FGF13: variants seen among roughly 807,000 people sequenced by gnomAD.
The protein encoded by FGF13 is fibroblast growth factor homologous factor 2.
A neutral mutation model predicts 19.5 loss-of-function variants in FGF13; 2 were observed. That is an observed-to-expected ratio of 0.10 (90% CI 0.04 to 0.32). The LOEUF is 0.32. Among genes scored for constraint, FGF13 ranks in the 10% least tolerant of loss-of-function variants. FGF13 has a pLI of 1.00. For synonymous variants in FGF13, 72 were observed against 76.9 expected (o/e 0.94, Z 0.33); for missense variants, 113 against 192.7 (o/e 0.59, Z 2.45).
chrX:139,128,290 G>A (rs2083732312), intron 1 of FGF13, among the ~76,000 whole-genome samples: 1 of 111,318 alleles, frequency 9.0e-6, no homozygotes, highest in African/African-American at 3.3e-5. Context: ...CTAAAGGCCT[G>A]GATACCTATC....
chrX:139,147,595 G>C (rs751733345), intron 1 of FGF13, among the ~76,000 whole-genome samples: 1 of 111,826 alleles, frequency 8.9e-6, no homozygotes, highest in South Asian at 3.8e-4. Flanking sequence ...TCGCAAACTG[G>C]ATGTCTGAAA....
intron 1 of FGF13, among the ~76,000 whole-genome samples, chrX:138,899,475 A>G (rs1038936963): frequency 9.9e-5 from 11 of 111,095 alleles, no homozygotes; most frequent in Non-Finnish European, 1.7e-4. Context: ...AAAGCCAGCC[A>G]TATCGGCACA....
At chrX:138,693,775 G>A (rs181264413) in intron 3 of FGF13, among the ~76,000 whole-genome samples, 1 of 111,343 alleles carries the variant, frequency 9.0e-6, no homozygotes, top group African/African-American at 3.3e-5. Context: ...TATGCTTTTT[G>A]ATTTTATTTG....
chrX:138,819,355 C>A (rs745614660), intron 3 of FGF13, among the ~76,000 whole-genome samples: 1 of 111,426 alleles, frequency 9.0e-6, no homozygotes, highest in East Asian at 2.8e-4. Context: ...TGAGAAAAGG[C>A]AAGCTAGAAA....
At chrX:138,753,789 G>T (rs1467234774) in intron 3 of FGF13, among the ~76,000 whole-genome samples, 3 of 112,257 alleles carry the variant, frequency 2.7e-5, no homozygotes, top group African/African-American at 9.7e-5. Context: ...CTACTAAATG[G>T]CAGCATTCTT....
chrX:138,900,568 C>A (rs2091527054), intron 1 of FGF13, among the ~76,000 whole-genome samples: 2 of 111,461 alleles, frequency 1.8e-5, no homozygotes, highest in South Asian at 3.8e-4. Flanking sequence ...TACTCCTCTG[C>A]TAGATTCTAA....
intron 1 of FGF13, among the ~76,000 whole-genome samples, chrX:139,202,284 C>T (rs2084421080): frequency 8.9e-6 from 1 of 112,077 alleles, no homozygotes; most frequent in Admixed American, 9.4e-5. Context: ...CCAGATTCAA[C>T]AGGGGAATGA....
intron 1 of FGF13, among the ~76,000 whole-genome samples, chrX:139,021,206 G>C (rs2092176670): frequency 9.0e-6 from 1 of 110,991 alleles, no homozygotes; most frequent in Non-Finnish European, 1.9e-5. Flanking sequence ...ACATTTACAA[G>C]TTAACAAAAT....
At chrX:138,697,667 T>C (rs1377507887) in intron 3 of FGF13, among the ~76,000 whole-genome samples, 1 of 111,215 alleles carries the variant, frequency 9.0e-6, no homozygotes, top group East Asian at 2.8e-4. Context: ...GGTAAGTAAT[T>C]ATATGGGTAG....
intron 1 of FGF13, among the ~76,000 whole-genome samples, chrX:139,025,865 A>G (rs1464561608): frequency 9.0e-6 from 1 of 110,570 alleles, no homozygotes; most frequent in Non-Finnish European, 1.9e-5. Flanking sequence ...TTGACCTCCC[A>G]TCTGCAAAGT....
At position 138,972,056 on chromosome X, in the gene FGF13, T is replaced by TGTGTGTGTG. The variant is rs2091919170; in HGVS notation, c.-112-107407_-112-107406insCACACACAC. Among the ~76,000 whole-genome samples the TGTGTGTGTG allele has an allele frequency of 2.7e-3, 260 of 94,989 alleles. 2 individuals carry two copies. Among genetic ancestry groups the TGTGTGTGTG allele is most frequent in the African/African-American group, 9.3e-3 (244 of 26,246 alleles). 82.5% of individuals were successfully genotyped at this position (94,989 alleles called of 115,157 possible). ...CTTTTTATGGCTCACTAGTATTCTATTGTGTGTGTGTGTGTGTGTGTGTAT... is the reference window on the plus strand; with the variant it reads ...CTTTTTATGGCTCACTAGTATTCTATGTGTGTGTGTGTGTGTGTGTGTGTGTGTGTGTAT... On this transcript the variant is annotated intron_variant, in intron 1 of 2. Coordinates refer to the FGF13 transcript ENST00000421460.
At chrX:139,154,842 A>G (rs1234774541) in intron 1 of FGF13, among the ~76,000 whole-genome samples, 3 of 111,903 alleles carry the variant, frequency 2.7e-5, no homozygotes, top group Non-Finnish European at 5.6e-5. Flanking sequence ...TATTAGTAGT[A>G]ATAAAGGTTA....
At position 138,665,287 on chromosome X, in the gene FGF13, T is replaced by C. The variant is rs1014558008; in HGVS notation, c.403-29632A>G. Reference sequence around the variant, plus strand: ...GTATCATAGGGATTCCACGGCTACCTGGGGTTCAGCTCGAGCCAAGGCTCT... The same window carrying C: ...GTATCATAGGGATTCCACGGCTACCCGGGGTTCAGCTCGAGCCAAGGCTCT... On this transcript the variant is annotated intron_variant, in intron 3 of 4. Transcript: ENST00000315930. 2.2e-4 allele frequency among the ~76,000 whole-genome samples: 24 copies of C among 111,344 alleles called. 1 individual carries two copies. The highest frequency in any genetic ancestry group is 1.6e-3 in the Admixed American group (17 of 10,391).
At chrX:139,195,941 T>C (rs2084367377) in intron 1 of FGF13, among the ~76,000 whole-genome samples, 1 of 111,836 alleles carries the variant, frequency 8.9e-6, no homozygotes, top group Admixed American at 9.5e-5. Flanking sequence ...TCACGATTAA[T>C]ATAGCTATCA....
intron 1 of FGF13, among the ~76,000 whole-genome samples, chrX:139,114,983 C>G (rs2083628814): frequency 8.9e-6 from 1 of 111,928 alleles, no homozygotes; most frequent in Non-Finnish European, 1.9e-5. Context: ...TATACAGATA[C>G]ATTTTCATGT....
At chrX:138,793,858 T>C (rs901295899) in intron 3 of FGF13, among the ~76,000 whole-genome samples, 1 of 112,160 alleles carries the variant, frequency 8.9e-6, no homozygotes, top group East Asian at 2.8e-4. Context: ...ATTGAGATGC[T>C]GTCAGGATTA....
chrX:138,844,720 A>G (rs1424569345), intron 3 of FGF13, among the ~76,000 whole-genome samples: 1 of 110,470 alleles, frequency 9.1e-6, no homozygotes, highest in East Asian at 2.9e-4. Context: ...CTTCTCTATA[A>G]CATCTTACAA....
At chrX:139,122,225 A>G (rs2083682446) in intron 1 of FGF13, among the ~76,000 whole-genome samples, 1 of 112,105 alleles carries the variant, frequency 8.9e-6, no homozygotes, top group Admixed American at 9.5e-5. Flanking sequence ...AAAATAAAAG[A>G]CAGGATTAAT....
intron 1 of FGF13, among the ~76,000 whole-genome samples, chrX:138,979,077 A>G (rs908662153): frequency 8.9e-6 from 1 of 112,220 alleles, no homozygotes; most frequent in Non-Finnish European, 1.9e-5. Flanking sequence ...GTAATGTAAG[A>G]GAACATACAA....
Sources: allele counts gnomAD v4.1 joint callset (sites outside exome capture counted in the v4.1 genomes callset), GRCh38; gene constraint gnomAD v4.1.1; transcripts MANE v1.5; gene names NCBI Gene and HGNC (gene_info 2026-07-23, HGNC 2026-07-21).